The following ZC3H12B variants were observed in gnomAD, a reference collection of about 807,000 sequenced individuals.
The protein encoded by ZC3H12B is zinc finger CCCH-type containing 12B.
A neutral mutation model predicts 43.9 loss-of-function variants in ZC3H12B; 7 were observed. The observed-to-expected ratio is 0.16, with a 90% CI of 0.09 to 0.30. ZC3H12B has a LOEUF of 0.30. Ranked by LOEUF, ZC3H12B falls within the 10% of genes least tolerant of loss-of-function variation. The pLI is 1.00. For synonymous variants in ZC3H12B, 222 were observed against 241.7 expected, an observed-to-expected ratio of 0.92 and a Z score of 0.76; for missense variants, 475 against 670.2, an observed-to-expected ratio of 0.71 and a Z score of 3.22.
intron 2 of ZC3H12B, among the ~76,000 whole-genome samples, chrX:65,380,633 A>C (rs958068823): frequency 5.4e-5 from 6 of 111,924 alleles, no homozygotes; most frequent in African/African-American, 1.3e-4. Flanking sequence ...TAAATGGACT[A>C]AATGCTCCAA....
At chrX:65,436,678 A>G (rs1318561630) in intron 3 of ZC3H12B, among the ~76,000 whole-genome samples, 4 of 111,571 alleles carry the variant, frequency 3.6e-5, no homozygotes, top group Non-Finnish European at 7.5e-5. Flanking sequence ...TTCACTTTTT[A>G]AAAAAACTTT....
chrX:65,211,351 T>C, the ZC3H12B span, among the ~76,000 whole-genome samples: 4 of 109,067 alleles, frequency 3.7e-5, no homozygotes, highest in Admixed American at 1.0e-4. Context: ...GAATAAAAAT[T>C]AACAATAATA....
the ZC3H12B span, among the ~76,000 whole-genome samples, chrX:65,153,133 G>T: frequency 1.4e-4 from 16 of 112,027 alleles, no homozygotes; most frequent in Admixed American, 1.5e-3. Flanking sequence ...AAAAACCCTA[G>T]AAGAAAACTT....
At chrX:65,135,001 T>A in the ZC3H12B span, among the ~76,000 whole-genome samples, 2 of 111,208 alleles carry the variant, frequency 1.8e-5, no homozygotes, top group African/African-American at 6.5e-5. Flanking sequence ...CCAGCCATTT[T>A]TACTTCTTTT....
chrX:65,209,700 G>C, the ZC3H12B span, among the ~76,000 whole-genome samples: 2 of 109,730 alleles, frequency 1.8e-5, no homozygotes, highest in African/African-American at 3.3e-5. Flanking sequence ...AAACAGCATG[G>C]TACTGGTACC....
intron 3 of ZC3H12B, among the ~76,000 whole-genome samples, chrX:65,448,648 C>T (rs907151660): frequency 9.1e-6 from 1 of 110,227 alleles, no homozygotes; most frequent in African/African-American, 3.3e-5. Flanking sequence ...GAAACCCCAT[C>T]TCTACTAAAA....
intron 3 of ZC3H12B, among the ~76,000 whole-genome samples, chrX:65,409,195 T>A (rs1049906243): frequency 1.2e-4 from 13 of 111,470 alleles, no homozygotes; most frequent in African/African-American, 2.6e-4. Context: ...TTAAACTAAA[T>A]CTTATGTTTA....
the ZC3H12B span, among the ~76,000 whole-genome samples, chrX:65,164,461 G>A: frequency 9.0e-6 from 1 of 111,358 alleles, no homozygotes; most frequent in Non-Finnish European, 1.9e-5. Flanking sequence ...GTGACCTCTG[G>A]CTACATGACT....
At chrX:65,228,345 A>G in the ZC3H12B span, among the ~76,000 whole-genome samples, 1 of 111,825 alleles carries the variant, frequency 8.9e-6, no homozygotes, top group Admixed American at 9.5e-5. Flanking sequence ...ACTTCATACT[A>G]AAAACTCTCA....
intron 2 of ZC3H12B, among the ~76,000 whole-genome samples, chrX:65,392,774 T>TGATGAC (rs1369620860): frequency 8.8e-6 from 1 of 113,067 alleles, no homozygotes; most frequent in Non-Finnish European, 1.9e-5. Flanking sequence ...GAATGGGCCA[T>TGATGAC]GATGACGATG....
chrX:65,325,353 T>A, the ZC3H12B span, among the ~76,000 whole-genome samples: 2 of 111,708 alleles, frequency 1.8e-5, no homozygotes, highest in Non-Finnish European at 3.8e-5. Flanking sequence ...GAAAAAATTC[T>A]AAATATTTCA....
the ZC3H12B span, among the ~76,000 whole-genome samples, chrX:65,107,314 T>C: frequency 9.1e-6 from 1 of 110,424 alleles, no homozygotes; most frequent in Non-Finnish European, 1.9e-5. Context: ...AAAGACCAAT[T>C]AGTAGATTTT....
the ZC3H12B span, among the ~76,000 whole-genome samples, chrX:65,114,996 T>G: frequency 0.069 from 7,006 of 101,078 alleles, 891 homozygotes; most frequent in African/African-American, 0.27. Flanking sequence ...GTTTTAAAAT[T>G]TTTGTGGGTA....
At chrX:65,392,197 A>T (rs1272777386) in intron 2 of ZC3H12B, among the ~76,000 whole-genome samples, 1 of 111,260 alleles carries the variant, frequency 9.0e-6, no homozygotes, top group Non-Finnish European at 1.9e-5. Context: ...CCCGTCTAGG[A>T]AGTGAGGAGC....
the ZC3H12B span, among the ~76,000 whole-genome samples, chrX:65,245,725 C>A: frequency 9.0e-6 from 1 of 111,082 alleles, no homozygotes; most frequent in African/African-American, 3.3e-5. Flanking sequence ...ATGACCAACC[C>A]CTAGTCAACA....
At chrX:65,469,725 C>T (rs2148192532) in intron 3 of ZC3H12B, 1 of 123,636 alleles carries the variant, frequency 8.1e-6, no homozygotes, top group Non-Finnish European at 1.6e-5. Flanking sequence ...AATCCCAGCA[C>T]TTTGAGAGGC....
the ZC3H12B span, among the ~76,000 whole-genome samples, chrX:65,331,831 C>T: frequency 9.0e-6 from 1 of 111,376 alleles, no homozygotes; most frequent in East Asian, 2.8e-4. Context: ...GTTGCCACGG[C>T]ATTTGTAAAC....
At chrX:65,216,813 T>C in the ZC3H12B span, among the ~76,000 whole-genome samples, 3 of 112,101 alleles carry the variant, frequency 2.7e-5, no homozygotes, top group African/African-American at 9.7e-5. Flanking sequence ...ATATTCCAGG[T>C]CTTTTCCTTT....
the ZC3H12B span, among the ~76,000 whole-genome samples, chrX:65,058,875 C>A: frequency 8.9e-6 from 1 of 112,308 alleles, no homozygotes; most frequent in Non-Finnish European, 1.9e-5. Context: ...CCCTCCGAGC[C>A]AGGCGCGGGA....
Sources: allele counts gnomAD v4.1 joint callset (sites outside exome capture counted in the v4.1 genomes callset), GRCh38; gene constraint gnomAD v4.1.1; transcripts MANE v1.5; gene names NCBI Gene and HGNC (gene_info 2026-07-23, HGNC 2026-07-21).